Variants in CRMP1 observed in about 807,000 individuals in gnomAD.
The protein encoded by CRMP1 is collapsin response mediator protein 1.
A neutral mutation model predicts 68.3 loss-of-function variants in CRMP1; 19 were observed. The ratio of observed to expected loss-of-function variants is 0.28; its 90% confidence interval spans 0.19 to 0.41. The LOEUF is 0.41. Among genes scored for constraint, CRMP1 ranks in the 10% least tolerant of loss-of-function variants. CRMP1 has a pLI of 1.00. For synonymous variants in CRMP1, 439 were observed against 399.6 expected (o/e 1.10, Z -1.18); for missense variants, 791 against 967.4 (o/e 0.82, Z 2.42).
At chr4:5,823,612 A>G (rs908640245) in intron 13 of CRMP1, among the ~76,000 whole-genome samples, 4 of 152,224 alleles carry the variant, frequency 2.6e-5, no homozygotes, top group African/African-American at 4.8e-5. Context: ...TTCTTGCTCT[A>G]TTAGCTCTCG....
chr4:5,843,964 AAAAAAT>A lies in CRMP1; in HGVS notation c.964-809_964-804del, dbSNP rs931817930. Among the ~76,000 whole-genome samples, 11 of 135,522 alleles carry A rather than the reference AAAAAAT, an allele frequency of 8.1e-5. No individual in the cohort carries two copies. Among genetic ancestry groups the A allele is most frequent in the African/African-American group, 3.0e-4 (10 of 33,098 alleles). 88.9% of individuals were successfully genotyped at this position (135,522 alleles called of 152,430 possible). A position where few individuals can be genotyped will look rare whatever the true frequency, so the allele number is the denominator to read the frequency against. ...CCAGGAACACTTTAATTTCTAAAAT[AAAAAAT>A]AAAAAAAAAATTTGACATTGCCCAG... On this transcript the variant is annotated intron_variant, in intron 6 of 13. Transcript: ENST00000324989. The surrounding 1 kb of genome is among the most constrained non-coding windows in gnomAD (Gnocchi z 4.1).
intron 1 of CRMP1, among the ~76,000 whole-genome samples, chr4:5,878,743 A>G (rs1034504618): frequency 2.0e-5 from 3 of 152,054 alleles, no homozygotes; most frequent in African/African-American, 7.2e-5. Flanking sequence ...CATCAAATGC[A>G]GAGGAAAATT....
At chr4:5,835,068 A>G (rs1720645552) in intron 11 of CRMP1, among the ~76,000 whole-genome samples, 1 of 143,920 alleles carries the variant, frequency 6.9e-6, no homozygotes, top group Non-Finnish European at 1.5e-5. Context: ...ATGTGAGCCC[A>G]TACTCCTTCT....
Position 5,828,027 on chromosome 4 carries a change from T to G in CRMP1, c.1803+462A>C, listed in dbSNP as rs529721486. ...AGGAAGGAAAGGAAGAAAGGGCGGA[T>G]CTGAAGGAAGCCCTGCCTGCAAGAT... On this transcript the variant is annotated intron_variant, in intron 12 of 13. Transcript: ENST00000324989. 4.4e-4 allele frequency: 429 copies of G among 985,124 alleles called. 2 individuals carry two copies. In the African/African-American group the frequency reaches 7.0e-3, roughly 16 times the overall value. 61.0% of individuals were successfully genotyped at this position (985,124 alleles called of 1,614,324 possible).
At chr4:5,873,519 G>T (rs776844486) in intron 1 of CRMP1, among the ~76,000 whole-genome samples, 25 of 151,974 alleles carry the variant, frequency 1.6e-4, no homozygotes, top group Non-Finnish European at 3.5e-4. Flanking sequence ...AAAGTGGGGG[G>T]TGGGGGGTGA....
chr4:5,873,147 G>C (rs1048600564), intron 1 of CRMP1, among the ~76,000 whole-genome samples: 1 of 152,226 alleles, frequency 6.6e-6, no homozygotes, highest in African/African-American at 2.4e-5. Flanking sequence ...TCAGGCCAGT[G>C]AGGGAGGCTA....
intron 13 of CRMP1, chr4:5,824,193 T>C: frequency 8.5e-6 from 5 of 587,798 alleles, no homozygotes; most frequent in Non-Finnish European, 1.1e-5. Flanking sequence ...GTGGTCCAGT[T>C]TGCAAACTCC....
At chr4:5,871,920 C>T (rs947589363) in intron 1 of CRMP1, among the ~76,000 whole-genome samples, 3 of 152,152 alleles carry the variant, frequency 2.0e-5, no homozygotes, top group African/African-American at 7.2e-5. Flanking sequence ...CAGAATGGTC[C>T]GTGTGGAATG....
intron 11 of CRMP1, among the ~76,000 whole-genome samples, chr4:5,831,629 T>C (rs1432431334): frequency 5.9e-5 from 9 of 152,284 alleles, no homozygotes; most frequent in African/African-American, 2.2e-4. Context: ...TGGCCAGCCC[T>C]TGGGGACCTG....
At chr4:5,874,090 GC>G (rs1714645044) in intron 1 of CRMP1, among the ~76,000 whole-genome samples, 1 of 152,162 alleles carries the variant, frequency 6.6e-6, no homozygotes, top group Non-Finnish European at 1.5e-5. Context: ...GGTATCAAAG[GC>G]CTTAACAATG....
chr4:5,847,959 T>C (rs567887297), intron 6 of CRMP1, among the ~76,000 whole-genome samples: 2 of 152,150 alleles, frequency 1.3e-5, no homozygotes, highest in East Asian at 3.9e-4. Context: ...TTATAACCAA[T>C]CCATGCCTCT....
In CRMP1 at chr4:5,855,273, T is replaced by G. The variant is rs1419323185; in HGVS notation, c.820+870A>C. Among the ~76,000 whole-genome samples, 1 of 152,202 alleles carries G rather than the reference T, an allele frequency of 6.6e-6. No homozygotes were observed. Among genetic ancestry groups the G allele is most frequent in the Admixed American group, 6.5e-5 (1 of 15,280 alleles). On this transcript the variant is annotated intron_variant, in intron 4 of 13. Transcript: ENST00000324989. The surrounding 1 kb of genome is among the most constrained non-coding windows in gnomAD (Gnocchi z 4.9). ...TCTGACTTTCTTTAAATATTGGGGA[T>G]GATACTGTTATTACGAGAAAACATA... is the stretch of plus-strand genomic sequence containing the variant.
rs1451028370 is a variant in CRMP1 at position 5,835,007 on chromosome 4, CT to C, written c.1623+907del. Among the ~76,000 whole-genome samples, 3 of 152,208 alleles carry C rather than the reference CT, an allele frequency of 2.0e-5. No homozygotes were observed. In the East Asian group the frequency reaches 5.8e-4, roughly 29 times the overall value. On this transcript the variant is annotated intron_variant, in intron 11 of 13. Coordinates refer to ENST00000324989, the MANE Select transcript of CRMP1 (RefSeq NM_001014809.3). ...TGTTTCCTGTGGCTTTCTTATGAAA[CT>C]TCCTTGTGCCTCATGTCCTGTCCCC...
At chr4:5,839,850 G>A (rs73208608) in intron 8 of CRMP1, among the ~76,000 whole-genome samples, 172 bp from the exon 9 acceptor site, 9,293 of 152,316 alleles carry the variant, frequency 0.061, 447 homozygotes, top group African/African-American at 0.13. Flanking sequence ...TTGGGTGTCC[G>A]GGCCCAGCTC....
chr4:5,821,821 C>G lies in CRMP1; in HGVS notation c.2000G>C (p.Arg667Pro). The G allele has an allele frequency of 6.2e-7, 1 of 1,609,992 alleles. No homozygotes were observed. Among genetic ancestry groups the G allele is most frequent in the Non-Finnish European group, 8.5e-7 (1 of 1,178,902 alleles). Residue 667 changes from arginine to proline, a missense_variant, in exon 14 of 14, where the codon CGC (arginine) becomes CCC (proline). This residue lies in a region of CRMP1 where 594 missense variants were observed against 763.6 expected (regional missense o/e 0.78). Coordinates refer to ENST00000324989, the MANE Select transcript of CRMP1 (RefSeq NM_001014809.3). The surrounding 1 kb of genome is among the most constrained non-coding windows in gnomAD (Gnocchi z 4.4). Reference protein sequence around the residue: ...GAQIDDNNPRRTGHRIVAPPG... With the variant: ...GAQIDDNNPRPTGHRIVAPPG... ...GGGCGCCACGATGCGGTGGCCGGTGCGCCTGGGATTGTTGTCATCTATCTG... is the reference window on the plus strand; with the variant it reads ...GGGCGCCACGATGCGGTGGCCGGTGGGCCTGGGATTGTTGTCATCTATCTG...
intron 1 of CRMP1, chr4:5,887,509 A>T: frequency 1.0e-6 from 1 of 984,700 alleles, no homozygotes; most frequent in South Asian, 4.7e-5. Context: ...CCCGAGACAA[A>T]GCGTAAAGAC....
chr4:5,872,170 C>A lies in CRMP1; in HGVS notation c.382-5414G>T, dbSNP rs898601206. ...CCACCCAAGTAATAAGATCAACGGG[C>A]CTTGCCTTCTAAGGCTGCCTTTCTC... On this transcript the variant is annotated intron_variant, in intron 1 of 13. Transcript: ENST00000324989. This position sits in a 1 kb window ranked among gnomAD's most constrained non-coding sequence, Gnocchi z 4.6. 6.6e-5 allele frequency among the ~76,000 whole-genome samples: 10 copies of A among 152,078 alleles called. No individual in the cohort carries two copies. The highest frequency in any genetic ancestry group is 2.4e-4 in the African/African-American group (10 of 41,386).
Position 5,844,383 on chromosome 4 carries a change from G to A in CRMP1, c.964-1222C>T, listed in dbSNP as rs75596529. Among the ~76,000 whole-genome samples, 1,367 of 152,034 alleles carry A rather than the reference G, an allele frequency of 9.0e-3. 11 individuals carry two copies. Among genetic ancestry groups the A allele is most frequent in the South Asian group, 0.025 (120 of 4,786 alleles). Reference sequence around the variant, plus strand: ...GGCAGGGGAGGGAAGGGGAATGGAGGGAAGGGGAGGAAGGGAAGAAAGCCA... The same window carrying A: ...GGCAGGGGAGGGAAGGGGAATGGAGAGAAGGGGAGGAAGGGAAGAAAGCCA... On this transcript the variant is annotated intron_variant, in intron 6 of 13. Transcript: ENST00000324989.
Position 5,888,583 on chromosome 4 carries a change from C to G in CRMP1, c.381+4006G>C, listed in dbSNP as rs1032144827. 7.4e-6 allele frequency: 8 copies of G among 1,079,224 alleles called. No individual in the cohort carries two copies. Among genetic ancestry groups the G allele is most frequent in the East Asian group, 1.1e-4 (2 of 17,480 alleles). 66.9% of individuals were successfully genotyped at this position (1,079,224 alleles called of 1,614,324 possible). Reference sequence around the variant, plus strand: ...GGAGCGAAGCCGGATTCGCCCCTCTCGGCTCGAACCAGGAAGCGCTTCCCT... The same window carrying G: ...GGAGCGAAGCCGGATTCGCCCCTCTGGGCTCGAACCAGGAAGCGCTTCCCT... On this transcript the variant is annotated intron_variant, in intron 1 of 13. Coordinates refer to ENST00000324989, the MANE Select transcript of CRMP1 (RefSeq NM_001014809.3). This position sits in a 1 kb window ranked among gnomAD's most constrained non-coding sequence, Gnocchi z 6.4.
Sources: allele counts gnomAD v4.1 joint callset (sites outside exome capture counted in the v4.1 genomes callset), GRCh38; gene constraint gnomAD v4.1.1; regional missense constraint gnomAD v4.1.1; non-coding constraint Gnocchi (gnomAD v3.1); transcripts MANE v1.5; gene names NCBI Gene and HGNC (gene_info 2026-07-23, HGNC 2026-07-21).